Variants in MOK observed in about 807,000 individuals in gnomAD.
MOK encodes the protein MOK protein kinase, also known as MAPK/MAK/MRK overlapping kinase.
Under a neutral mutation model 54.2 loss-of-function variants are expected in MOK, and 59 were observed. The observed-to-expected ratio is 1.09, with a 90% confidence interval of 0.88 to 1.35. MOK has a LOEUF of 1.35. Ranked by LOEUF, MOK falls within the 40% of genes most tolerant of loss-of-function variation. The pLI is 0.00. For synonymous variants in MOK, 210 were observed against 202.7 expected (o/e 1.04, Z -0.31); for missense variants, 517 against 526.2 (o/e 0.98, Z 0.17).
Position 102,245,372 on chromosome 14 carries a change from T to C in MOK, c.590+5440A>G, listed in dbSNP as rs184540993. Among the ~76,000 whole-genome samples the C allele has an allele frequency of 1.6e-3, 241 of 152,232 alleles. No individual in the cohort carries two copies. Among genetic ancestry groups the C allele is most frequent in the Admixed American group, 3.1e-3 (48 of 15,298 alleles). ...CCAACACTTCAATACTATTTTATGT[T>C]ATTTTTCTTATTAATATAAGAAGAC... is the stretch of plus-strand genomic sequence containing the variant. On this transcript the variant is annotated intron_variant, in intron 7 of 11. Coordinates refer to ENST00000361847, the MANE Select transcript of MOK (RefSeq NM_014226.3). This position sits in a 1 kb window ranked among gnomAD's most constrained non-coding sequence, Gnocchi z 4.3.
At chr14:102,226,803 C>T (rs2064268287), downstream of MOK, among the ~76,000 whole-genome samples, 1 of 152,216 alleles carries the variant, frequency 6.6e-6, no homozygotes, top group African/African-American at 2.4e-5. The surrounding 1 kb of genome is among the most constrained non-coding windows in gnomAD (Gnocchi z 4.8). Flanking sequence ...GATGTGGGAA[C>T]CCTGCTGTGC....
downstream of MOK, chr14:102,226,286 C>T (rs774831260): frequency 2.9e-6 from 2 of 700,000 alleles, no homozygotes; most frequent in Non-Finnish European, 5.2e-6. The surrounding 1 kb of genome is among the most constrained non-coding windows in gnomAD (Gnocchi z 4.8). Flanking sequence ...AGGGTAGGCT[C>T]ACACAAGAAG....
intron 1 of MOK, among the ~76,000 whole-genome samples, chr14:102,287,990 G>A (rs901986811): frequency 2.0e-5 from 3 of 151,464 alleles, no homozygotes; most frequent in Middle Eastern, 3.4e-3. Context: ...GCCCGCCACC[G>A]CGCCCGGCTA....
At chr14:102,254,606 C>T (rs2066783330) in intron 4 of MOK, among the ~76,000 whole-genome samples, 1 of 152,126 alleles carries the variant, frequency 6.6e-6, no homozygotes, top group African/African-American at 2.4e-5. Flanking sequence ...AATTCCTCTC[C>T]ACCAAAAGGG....
chr14:102,251,586 T>G (rs2153110605), intron 6 of MOK, 170 bp downstream of exon 6: 1 of 685,748 alleles, frequency 1.5e-6, no homozygotes, highest in East Asian at 2.8e-5. Context: ...TGATGGCATT[T>G]ATTAAATAAA....
rs140003896 is a variant in MOK at position 102,299,611 on chromosome 14, G to T, written c.7+5351C>A. Among the ~76,000 whole-genome samples, 84 of 152,090 alleles carry T rather than the reference G, an allele frequency of 5.5e-4. 1 individual carries two copies. Among genetic ancestry groups the T allele is most frequent in the African/African-American group, 2.0e-3 (83 of 41,498 alleles). On this transcript the variant is annotated intron_variant, in intron 1 of 11. Transcript: ENST00000361847. ...TTTTTGTTTTATTTTTTTGAAACAG[G>T]GTCTTCCTTTGACATCCAGGCTGGA...
rs535765307 is a variant in MOK at position 102,301,963 on chromosome 14, G to A, written c.7+2999C>T. Among the ~76,000 whole-genome samples the A allele has an allele frequency of 4.6e-5, 7 of 152,108 alleles. No homozygotes were observed. In the South Asian group the frequency reaches 1.5e-3, roughly 32 times the overall value. On this transcript the variant is annotated intron_variant, in intron 1 of 11. Transcript: ENST00000361847. The stretch of plus-strand genomic sequence containing the variant: ...GATGGGGTTTCACCACATTGGCCAG[G>A]CTGGTCTCGAACTCCTGACCTCAAG...
chr14:102,231,784 C>G lies in MOK; in HGVS notation c.904G>C (p.Ala302Pro). 10 of 1,612,758 alleles carry G rather than the reference C, an allele frequency of 6.2e-6. No homozygotes were observed. The highest frequency in any genetic ancestry group is 8.5e-6 in the Non-Finnish European group (10 of 1,179,544). Residue 302 changes from alanine (A) to proline (P), a missense_variant, in exon 10 of 12, where the codon GCT (alanine) becomes CCT (proline). Coordinates refer to ENST00000361847, the MANE Select transcript of MOK (RefSeq NM_014226.3). This position sits in a 1 kb window ranked among gnomAD's most constrained non-coding sequence, Gnocchi z 4.4. ...EKRALGSHRK[A>P]GFPEHPVAPE... Reference sequence around the variant, plus strand: ...GCCACAGGGTGCTCCGGAAAGCCAGCTTTTCTGTGGCTGCCCAGAGCCCGC... The same window carrying G: ...GCCACAGGGTGCTCCGGAAAGCCAGGTTTTCTGTGGCTGCCCAGAGCCCGC...
rs376187124 is a variant in MOK at position 102,251,765 on chromosome 14, T to C, written c.402A>G (p.Ile134Met). The change falls in exon 6 of 12, where the codon ATA (isoleucine) becomes ATG (methionine). Residue 134 changes from isoleucine to methionine, a missense_variant. By Grantham distance (10) the Ile-to-Met change is conservative. Transcript: ENST00000361847. ...ATGTAAAAGCTCTTACCTTTATTAG[T>C]ATATTTTCTGGTTTTACATCTCTGT... ...IFHRDVKPENILIKQDVLKLG... is the reference protein window; with the variant it reads ...IFHRDVKPENMLIKQDVLKLG... The C allele has an allele frequency of 8.9e-6, 14 of 1,568,658 alleles. No homozygotes were observed. The highest frequency in any genetic ancestry group is 2.7e-5 in the African/African-American group (2 of 73,748).
chr14:102,229,980 G>A, intron 10 of MOK: 2 of 318,748 alleles, frequency 6.3e-6, no homozygotes, highest in East Asian at 5.9e-5. Flanking sequence ...ACCCTGATCT[G>A]CCTGTCGCCT....
At chr14:102,263,158 C>G (rs2067612083) in intron 4 of MOK, among the ~76,000 whole-genome samples, 1 of 152,262 alleles carries the variant, frequency 6.6e-6, no homozygotes, top group African/African-American at 2.4e-5. Flanking sequence ...AGGGAAAGCT[C>G]TGCCTTAAGA....
chr14:102,226,763 C>T (rs2064267159), downstream of MOK, among the ~76,000 whole-genome samples: 1 of 152,194 alleles, frequency 6.6e-6, no homozygotes, highest in Non-Finnish European at 1.5e-5. The surrounding 1 kb of genome is among the most constrained non-coding windows in gnomAD (Gnocchi z 4.8). Context: ...TCATCACCCT[C>T]GGAATCTCCA....
At chr14:102,261,418 AATATATATAT>A (rs1197835093) in intron 4 of MOK, among the ~76,000 whole-genome samples, 955 of 42,778 alleles carry the variant, frequency 0.022, 26 homozygotes, top group Middle Eastern at 0.071. Context: ...AAAAAAAAAA[AATATATATAT>A]ATATATATAT....
At position 102,231,716 on chromosome 14, in the gene MOK, G is replaced by A. The variant is rs1174128160; in HGVS notation, c.972C>T (p.Gly324=). Residue 324 remains glycine (G), a synonymous_variant, in exon 10 of 12, where the codon GGC becomes GGT. Coordinates refer to ENST00000361847, the MANE Select transcript of MOK (RefSeq NM_014226.3). This position sits in a 1 kb window ranked among gnomAD's most constrained non-coding sequence, Gnocchi z 4.4. The part of the protein sequence containing the change: ...LSNSCQISKE[G]RKQKQSLKQE... ...CGATTTCGCTTAGTACCTGCTTTCT[G>A]CCCTCCTTGGAAATCTGGCAGCTGT... The A allele has an allele frequency of 1.2e-6, 2 of 1,611,242 alleles. No homozygotes were observed. Among genetic ancestry groups the A allele is most frequent in the Non-Finnish European group, 1.7e-6 (2 of 1,179,098 alleles).
At chr14:102,277,887 C>T (rs900035700) in intron 2 of MOK, among the ~76,000 whole-genome samples, 2 of 152,132 alleles carry the variant, frequency 1.3e-5, no homozygotes, top group Admixed American at 1.3e-4. Flanking sequence ...AACTGTATAA[C>T]GTTATAGATT....
Position 102,232,796 on chromosome 14 carries a change from T to C in MOK, c.693-88A>G. On this transcript the variant is annotated intron_variant, in intron 8 of 11. Transcript: ENST00000361847. This position sits in a 1 kb window ranked among gnomAD's most constrained non-coding sequence, Gnocchi z 5.1. Reference sequence around the variant, plus strand: ...TGTCACAACTAAGGGCCCTGTGTGGTGGGGAATGGTTTATGACTGCAGAGT... The same window carrying C: ...TGTCACAACTAAGGGCCCTGTGTGGCGGGGAATGGTTTATGACTGCAGAGT... The C allele has an allele frequency of 1.6e-6, 2 of 1,246,488 alleles. No individual in the cohort carries two copies. Among genetic ancestry groups the C allele is most frequent in the Non-Finnish European group, 2.3e-6 (2 of 880,784 alleles). The allele number at this position is 1,246,488 out of a possible 1,614,324, so 77.2% of individuals were successfully genotyped here. A position where few individuals can be genotyped will look rare whatever the true frequency, so the allele number is the denominator to read the frequency against.
chr14:102,242,124 C>T (rs532914664), intron 7 of MOK, among the ~76,000 whole-genome samples: 69 of 152,336 alleles, frequency 4.5e-4, no homozygotes, highest in African/African-American at 1.6e-3. Flanking sequence ...CTGATTGCCT[C>T]GGAAGCCTCC....
chr14:102,246,236 C>G (rs1427925907), intron 7 of MOK: 1 of 152,174 alleles, frequency 6.6e-6, no homozygotes, highest in Non-Finnish European at 1.5e-5. Context: ...CCGCTTCACT[C>G]TCTTCCTTCA....
Position 102,245,245 on chromosome 14 carries a change from C to G in MOK, c.590+5567G>C, listed in dbSNP as rs1268774860. Among the ~76,000 whole-genome samples, 1 of 152,146 alleles carries G rather than the reference C, an allele frequency of 6.6e-6. No homozygotes were observed. The highest frequency in any genetic ancestry group is 1.5e-5 in the Non-Finnish European group (1 of 68,026). The stretch of plus-strand genomic sequence containing the variant: ...AAAATCTTCCTTCAGCTGAATCTCT[C>G]CCACTCCAGGTTCCCACGCCACCCC... On this transcript the variant is annotated intron_variant, in intron 7 of 11. Transcript: ENST00000361847. The surrounding 1 kb of genome is among the most constrained non-coding windows in gnomAD (Gnocchi z 4.3).
Sources: gnomAD v4.1 joint callset for allele counts (sites outside exome capture counted in the v4.1 genomes callset) on GRCh38, gnomAD v4.1.1 for gene constraint, Gnocchi (gnomAD v3.1) non-coding constraint, MANE v1.5 for transcripts, NCBI Gene and HGNC (gene_info 2026-07-23, HGNC 2026-07-21) for gene names.